INTS9: variants seen among roughly 807,000 people sequenced by gnomAD.
The protein encoded by INTS9 is protein related to CPSF subunits of 74 kDa.
In INTS9, 55 loss-of-function variants were observed where a neutral mutation model predicts 79.7. That is an observed-to-expected ratio of 0.69 (90% CI 0.56 to 0.86). INTS9 has a LOEUF of 0.86. Among genes scored for constraint, INTS9 ranks in the 40% least tolerant of loss-of-function variants. The pLI is 0.00. For synonymous variants in INTS9, 319 were observed against 325.2 expected (o/e 0.98, Z 0.20); for missense variants, 721 against 831.5 (o/e 0.87, Z 1.64).
At chr8:28,847,117 G>C (rs1807562972) in intron 3 of INTS9, among the ~76,000 whole-genome samples, 1 of 152,070 alleles carries the variant, frequency 6.6e-6, no homozygotes, top group African/African-American at 2.4e-5. Flanking sequence ...TTCCAAATAA[G>C]GTATGCAAAC....
At chr8:28,880,650 G>A (rs1404622341) in intron 1 of INTS9, among the ~76,000 whole-genome samples, 14 of 148,376 alleles carry the variant, frequency 9.4e-5, no homozygotes, top group African/African-American at 3.5e-4. Context: ...CCAAAGAGCC[G>A]AGATTGCAGC....
At chr8:28,882,458 T>TA (rs1163422904) in intron 1 of INTS9, among the ~76,000 whole-genome samples, 469 of 35,914 alleles carry the variant, frequency 0.013, 3 homozygotes, top group African/African-American at 0.032. Flanking sequence ...GAATGATCAA[T>TA]AAAAAAAAAA....
chr8:28,847,460 A>ACCACCACCACCACTACCACCTCCACCT (rs1807590409), intron 3 of INTS9, among the ~76,000 whole-genome samples: 1 of 148,530 alleles, frequency 6.7e-6, no homozygotes, highest in African/African-American at 2.5e-5. Flanking sequence ...TACCTCCACC[A>ACCACCACCACCACTACCACCTCCACCT]CCACCACCAC....
chr8:28,847,796 CAG>C lies in INTS9; in HGVS notation c.199-989_199-988del, dbSNP rs1398108683. ...AAGTGATCAGTGCAAAGGAAGGTGA[CAG>C]ATAATGGCACTGAGCCACATACAAC... On this transcript the variant is annotated intron_variant, in intron 3 of 16. Coordinates refer to ENST00000521022, the MANE Select transcript of INTS9 (RefSeq NM_018250.4). Among the ~76,000 whole-genome samples, 10 of 152,238 alleles carry C rather than the reference CAG, an allele frequency of 6.6e-5. No individual in the cohort carries two copies. In the South Asian group the frequency reaches 1.9e-3, roughly 28 times the overall value.
At chr8:28,881,718 C>T (rs1411004318) in intron 1 of INTS9, among the ~76,000 whole-genome samples, 1 of 147,986 alleles carries the variant, frequency 6.8e-6, no homozygotes. Context: ...GGGTCAGCCC[C>T]CCTTCCGGCC....
At chr8:28,878,867 C>T (rs1183945621) in intron 1 of INTS9, among the ~76,000 whole-genome samples, 1 of 151,674 alleles carries the variant, frequency 6.6e-6, no homozygotes, top group Admixed American at 6.6e-5. Context: ...GTAGTACCAG[C>T]TATTCTGGAG....
At chr8:28,810,867 G>A (rs967990901) in intron 8 of INTS9, among the ~76,000 whole-genome samples, 2 of 151,994 alleles carry the variant, frequency 1.3e-5, no homozygotes, top group African/African-American at 4.8e-5. Flanking sequence ...AACTTAAAAC[G>A]TTCCAATAGT....
Position 28,837,696 on chromosome 8 carries a change from G to A in INTS9, c.342C>T (p.Thr114=), listed in dbSNP as rs960050981. The change falls in exon 5 of 17, where the codon ACC becomes ACT. Residue 114 remains threonine, a synonymous_variant. Coordinates refer to ENST00000521022, the MANE Select transcript of INTS9 (RefSeq NM_018250.4). ...CTGTGCCTGTGAAGCCGGTGTGCTC[G>A]GTGATGTATGGCAGCGCCATCATAC... is the stretch of plus-strand genomic sequence containing the variant. The part of the protein sequence containing the change: ...YHCMMALPYI[T]EHTGFTGTVY... 39 of 1,613,852 alleles carry A rather than the reference G, an allele frequency of 2.4e-5. No homozygotes were observed. The highest frequency in any genetic ancestry group is 8.9e-5 in the East Asian group (4 of 44,864).
At chr8:28,805,300 T>C (rs188348148) in intron 8 of INTS9, among the ~76,000 whole-genome samples, 1 of 152,244 alleles carries the variant, frequency 6.6e-6, no homozygotes, top group Non-Finnish European at 1.5e-5. Flanking sequence ...CTTTATCCTA[T>C]CGAAGTTTTT....
intron 1 of INTS9, among the ~76,000 whole-genome samples, chr8:28,861,658 ATT>A (rs1808467081): frequency 6.6e-6 from 1 of 152,234 alleles, no homozygotes; most frequent in Admixed American, 6.5e-5. Flanking sequence ...ATGACAAAAT[ATT>A]TTTTGTCTTC....
At chr8:28,830,721 A>G (rs1339558254) in intron 6 of INTS9, among the ~76,000 whole-genome samples, 1 of 152,022 alleles carries the variant, frequency 6.6e-6, no homozygotes, top group Non-Finnish European at 1.5e-5. Context: ...GGACACAGCT[A>G]TGGAGTGTCT....
intron 1 of INTS9, among the ~76,000 whole-genome samples, chr8:28,866,751 C>A (rs111537393): frequency 1.4e-5 from 2 of 139,356 alleles, no homozygotes; most frequent in Non-Finnish European, 3.1e-5. Flanking sequence ...CCGAGGCGGG[C>A]GGGTCATGAG....
chr8:28,828,185 G>A (rs888637367), intron 6 of INTS9, among the ~76,000 whole-genome samples: 1 of 152,212 alleles, frequency 6.6e-6, no homozygotes, highest in African/African-American at 2.4e-5. Context: ...GATTGAGTCT[G>A]AGAGTCTGAG....
intron 9 of INTS9, among the ~76,000 whole-genome samples, chr8:28,795,011 A>G (rs1804121473): frequency 6.6e-6 from 1 of 152,262 alleles, no homozygotes; most frequent in African/African-American, 2.4e-5. Flanking sequence ...CAAATAAATT[A>G]CCTTTGCATT....
Position 28,793,758 on chromosome 8 carries a change from TC to T in INTS9, c.1037+48del, listed in dbSNP as rs761431396. 9.5e-5 allele frequency: 132 copies of T among 1,395,580 alleles called. No individual in the cohort carries two copies. In the African/African-American group the frequency reaches 1.3e-3, roughly 14 times the overall value. 86.4% of individuals were successfully genotyped at this position (1,395,580 alleles called of 1,614,324 possible). Reference sequence around the variant, plus strand: ...TATTTTTATTCTTACTGCTTGAATGTCCTGAATCAAATAAAATTCACAAAAA... The same window carrying T: ...TATTTTTATTCTTACTGCTTGAATGTCTGAATCAAATAAAATTCACAAAAA... On this transcript the variant is annotated intron_variant, in intron 10 of 16. Coordinates refer to ENST00000521022, the MANE Select transcript of INTS9 (RefSeq NM_018250.4).
intron 8 of INTS9, among the ~76,000 whole-genome samples, chr8:28,804,165 A>G (rs1804675067): frequency 6.6e-6 from 1 of 152,134 alleles, no homozygotes; most frequent in South Asian, 2.1e-4. Context: ...AGCTCAAGCA[A>G]TCCTCCCACC....
chr8:28,820,795 G>A (rs1430140547), intron 6 of INTS9, among the ~76,000 whole-genome samples: 1 of 152,030 alleles, frequency 6.6e-6, no homozygotes, highest in African/African-American at 2.4e-5. Context: ...AGTATGCATG[G>A]GCCAGTAGTG....
intron 6 of INTS9, among the ~76,000 whole-genome samples, chr8:28,832,101 C>T (rs1256906836): frequency 6.6e-6 from 1 of 152,072 alleles, no homozygotes. Context: ...GAAGGGAAGC[C>T]AGAGCACACA....
At chr8:28,800,852 C>T (rs572880636) in intron 8 of INTS9, among the ~76,000 whole-genome samples, 4 of 152,188 alleles carry the variant, frequency 2.6e-5, no homozygotes, top group African/African-American at 4.8e-5. Context: ...AAATGGTATA[C>T]GTTACTTCTG....
Sources: gnomAD v4.1 joint callset for allele counts (sites outside exome capture counted in the v4.1 genomes callset) on GRCh38, gnomAD v4.1.1 for gene constraint, MANE v1.5 for transcripts, NCBI Gene and HGNC (gene_info 2026-07-23, HGNC 2026-07-21) for gene names.